The following ZFHX3 variants were observed in gnomAD, a reference collection of about 807,000 sequenced individuals.
The protein encoded by ZFHX3 is zinc finger homeobox protein 3.
A neutral mutation model predicts 279.1 loss-of-function variants in ZFHX3; 42 were observed. That is an observed-to-expected ratio of 0.15 (90% CI 0.12 to 0.19). The LOEUF (loss-of-function observed/expected upper bound fraction) is 0.19. Among genes scored for constraint, ZFHX3 ranks in the 10% least tolerant of loss-of-function variants. The pLI, the probability that ZFHX3 is intolerant of heterozygous loss-of-function variation, is 1.00. For missense variants in ZFHX3, 4,981 were observed against 4,754.0 expected (o/e 1.05, Z -1.40); for synonymous variants, 2,293 against 1,957.8 (o/e 1.17, Z -4.52).
chr16:73,310,422 C>T (rs951500353), intron 4 of ZFHX3, among the ~76,000 whole-genome samples: 2 of 152,318 alleles, frequency 1.3e-5, no homozygotes, highest in South Asian at 2.1e-4. Context: ...TGTCTGCACT[C>T]GGGGTCACTG....
At chr16:72,950,193 A>G (rs1413101303) in intron 3 of ZFHX3, among the ~76,000 whole-genome samples, 1 of 152,086 alleles carries the variant, frequency 6.6e-6, no homozygotes, top group Non-Finnish European at 1.5e-5. Flanking sequence ...AAAGAAAAGA[A>G]CCAACCCTAG....
intron 5 of ZFHX3, among the ~76,000 whole-genome samples, chr16:73,234,944 A>T (rs1053341405): frequency 1.3e-5 from 2 of 152,230 alleles, no homozygotes; most frequent in Admixed American, 6.5e-5. Flanking sequence ...TACACAGAGA[A>T]AAAGATTTGA....
At chr16:73,277,985 G>A (rs979889025) in intron 4 of ZFHX3, among the ~76,000 whole-genome samples, 5 of 152,058 alleles carry the variant, frequency 3.3e-5, no homozygotes, top group Non-Finnish European at 5.9e-5. Context: ...TATTAGCAAG[G>A]GGAATATCTG....
chr16:73,682,962 G>GAA (rs575398750), intron 1 of ZFHX3, among the ~76,000 whole-genome samples: 1 of 24,892 alleles, frequency 4.0e-5, no homozygotes, highest in African/African-American at 1.2e-4. Context: ...AAGAAAGAAA[G>GAA]AAAGAAAGAA....
intron 1 of ZFHX3, among the ~76,000 whole-genome samples, chr16:73,724,889 T>C (rs1010144743): frequency 2.0e-5 from 3 of 152,198 alleles, no homozygotes; most frequent in Non-Finnish European, 4.4e-5. Context: ...TCAGGCCCCC[T>C]TGGGGGATGC....
At chr16:73,151,642 C>T (rs1966944445) in intron 5 of ZFHX3, among the ~76,000 whole-genome samples, 1 of 151,948 alleles carries the variant, frequency 6.6e-6, no homozygotes. Flanking sequence ...TCTGCAGGTG[C>T]CCGAGAAATA....
intron 3 of ZFHX3, among the ~76,000 whole-genome samples, chr16:73,438,367 A>G (rs2018030995): frequency 6.6e-6 from 1 of 152,222 alleles, no homozygotes; most frequent in Non-Finnish European, 1.5e-5. Context: ...TCACTGGGAT[A>G]AGTCCTTCAA....
chr16:72,964,982 AT>A (rs1286531483), intron 1 of ZFHX3, among the ~76,000 whole-genome samples: 1 of 151,916 alleles, frequency 6.6e-6, no homozygotes, highest in Non-Finnish European at 1.5e-5. Context: ...GGCTCAAGCG[AT>A]TCTCCTGCCT....
intron 2 of ZFHX3, among the ~76,000 whole-genome samples, chr16:73,617,790 A>C (rs2052320208): frequency 6.6e-6 from 1 of 152,090 alleles, no homozygotes; most frequent in Non-Finnish European, 1.5e-5. Flanking sequence ...AAAAAATCTC[A>C]CTCAAATCAT....
intron 1 of ZFHX3, among the ~76,000 whole-genome samples, chr16:72,988,709 A>G (rs1351891175): frequency 6.6e-6 from 1 of 152,240 alleles, no homozygotes; most frequent in Non-Finnish European, 1.5e-5. Context: ...ACATTAATAC[A>G]TGTGTCAACA....
At chr16:73,830,411 G>C (rs888179186) in intron 1 of ZFHX3, among the ~76,000 whole-genome samples, 2 of 151,966 alleles carry the variant, frequency 1.3e-5, no homozygotes, top group East Asian at 1.9e-4. Context: ...GTTCCTATTC[G>C]GCCATCTTGG....
intron 2 of ZFHX3, among the ~76,000 whole-genome samples, chr16:73,555,346 G>A (rs1338333339): frequency 1.3e-5 from 2 of 151,966 alleles, no homozygotes; most frequent in African/African-American, 4.8e-5. Context: ...AGCAGAGACG[G>A]GGTTTCACAG....
chr16:73,622,161 C>CT (rs1254864559), intron 2 of ZFHX3, among the ~76,000 whole-genome samples: 21 of 152,314 alleles, frequency 1.4e-4, no homozygotes, highest in African/African-American at 4.6e-4. Flanking sequence ...TACCAGAACT[C>CT]TGTTATAATC....
intron 4 of ZFHX3, among the ~76,000 whole-genome samples, chr16:73,308,224 CATATATATATAT>C (rs56199536): frequency 0.015 from 1,578 of 108,030 alleles, 14 homozygotes; most frequent in Admixed American, 0.023. Context: ...CATATGCATG[CATATATATATAT>C]ATATATATAT....
At chr16:72,901,559 G>C (rs139207812) in intron 3 of ZFHX3, among the ~76,000 whole-genome samples, 1 of 152,104 alleles carries the variant, frequency 6.6e-6, no homozygotes. Context: ...GTGACGGGGC[G>C]AGGCAGAAAA....
chr16:72,888,352 A>G (rs2038683013), intron 4 of ZFHX3, among the ~76,000 whole-genome samples: 1 of 152,218 alleles, frequency 6.6e-6, no homozygotes, highest in African/African-American at 2.4e-5. Flanking sequence ...GCTGCCATTA[A>G]GAAGAAAAAG....
intron 1 of ZFHX3, chr16:73,809,402 G>C (rs962386568): frequency 6.6e-6 from 1 of 152,204 alleles, no homozygotes; most frequent in Admixed American, 6.5e-5. Flanking sequence ...AAGATGGCCT[G>C]ACCTGCCGCT....
chr16:73,438,065 G>A (rs142765465), intron 3 of ZFHX3, among the ~76,000 whole-genome samples: 1 of 151,640 alleles, frequency 6.6e-6, no homozygotes, highest in African/African-American at 2.4e-5. Context: ...AGTGGTTCTG[G>A]GATCGCTCTA....
chr16:73,720,576 T>C (rs2053464765), intron 1 of ZFHX3, among the ~76,000 whole-genome samples: 1 of 152,190 alleles, frequency 6.6e-6, no homozygotes, highest in Non-Finnish European at 1.5e-5. Context: ...ACAAATTTTA[T>C]GGCACGGCCT....
Sources: allele counts gnomAD v4.1 joint callset (sites outside exome capture counted in the v4.1 genomes callset), GRCh38; gene constraint gnomAD v4.1.1; transcripts MANE v1.5; gene names NCBI Gene and HGNC (gene_info 2026-07-23, HGNC 2026-07-21).